SYT1: variants seen among roughly 807,000 people sequenced by gnomAD.
SYT1 encodes synaptotagmin 1.
A neutral mutation model predicts 44.8 loss-of-function variants in SYT1; 8 were observed. That is an observed-to-expected ratio of 0.18 (90% CI 0.10 to 0.32). The LOEUF is 0.32. Among genes scored for constraint, SYT1 ranks in the 10% least tolerant of loss-of-function variants. The pLI is 1.00. For missense variants in SYT1, 286 were observed against 509.3 expected (o/e 0.56, Z 4.22); for synonymous variants, 154 against 188.8 (o/e 0.82, Z 1.51).
chr12:79,333,855 G>A (rs543639891), intron 8 of SYT1, among the ~76,000 whole-genome samples: 4 of 152,148 alleles, frequency 2.6e-5, no homozygotes, highest in Admixed American at 2.0e-4. Context: ...AATTCCCAAT[G>A]TTGTTTATGT....
chr12:79,387,506 A>G, intron 9 of SYT1, among the ~76,000 whole-genome samples: 1 of 152,224 alleles, frequency 6.6e-6, no homozygotes, highest in East Asian at 1.9e-4. Flanking sequence ...TGTTTAAATC[A>G]ATTTTATTGT....
chr12:79,177,047 A>C (rs200186731), intron 3 of SYT1, among the ~76,000 whole-genome samples: 105 of 13,986 alleles, frequency 7.5e-3, no homozygotes, highest in African/African-American at 0.027. Flanking sequence ...TTTTTTTTTT[A>C]TGTTTTTTTT....
intron 1 of SYT1, among the ~76,000 whole-genome samples, chr12:78,932,773 T>C (rs1204623085): frequency 1.3e-5 from 2 of 152,196 alleles, no homozygotes; most frequent in Non-Finnish European, 2.9e-5. Flanking sequence ...TCAAAGCTTA[T>C]ATAGTATTAT....
intron 1 of SYT1, among the ~76,000 whole-genome samples, chr12:78,905,184 T>C (rs1875898882): frequency 6.6e-6 from 1 of 152,206 alleles, no homozygotes; most frequent in African/African-American, 2.4e-5. Flanking sequence ...TTATCATCTT[T>C]CTTTAGTAAC....
chr12:79,246,561 C>T (rs894813440), intron 4 of SYT1, among the ~76,000 whole-genome samples: 2 of 152,168 alleles, frequency 1.3e-5, no homozygotes, highest in African/African-American at 4.8e-5. Flanking sequence ...GGGCCTGGTC[C>T]TTGCTTCTAA....
At chr12:78,934,213 G>A (rs1458054628) in intron 1 of SYT1, among the ~76,000 whole-genome samples, 1 of 151,338 alleles carries the variant, frequency 6.6e-6, no homozygotes, top group Non-Finnish European at 1.5e-5. Context: ...ATATGGTCTG[G>A]CTGTGTCCCC....
intron 3 of SYT1, among the ~76,000 whole-genome samples, chr12:79,130,377 T>C (rs1868731707): frequency 6.6e-6 from 1 of 152,234 alleles, no homozygotes; most frequent in Non-Finnish European, 1.5e-5. Flanking sequence ...TGCCATCCTA[T>C]GCATTATATT....
rs190588932 is a variant in SYT1 at position 79,008,587 on chromosome 12, G to A, written c.-84+30656G>A. Among the ~76,000 whole-genome samples the A allele has an allele frequency of 3.2e-4, 49 of 152,232 alleles. 1 individual carries two copies. The highest frequency in any genetic ancestry group is 6.8e-3 in the Middle Eastern group (2 of 294). On this transcript the variant is annotated intron_variant, in intron 2 of 10. Transcript: ENST00000261205. Reference sequence around the variant, plus strand: ...AGACTATAATAGTGGCTGTGAGAACGATATGAAGTAGTTAGATTTGGACCA... The same window carrying A: ...AGACTATAATAGTGGCTGTGAGAACAATATGAAGTAGTTAGATTTGGACCA...
At chr12:79,322,017 A>G (rs1881385423) in intron 8 of SYT1, among the ~76,000 whole-genome samples, 1 of 152,132 alleles carries the variant, frequency 6.6e-6, no homozygotes, top group Admixed American at 6.5e-5. Context: ...TGTTCCTCTC[A>G]GGGCCAAGAT....
intron 4 of SYT1, among the ~76,000 whole-genome samples, chr12:79,282,196 C>T (rs558453103): frequency 6.1e-4 from 93 of 152,298 alleles, no homozygotes; most frequent in South Asian, 1.9e-3. Context: ...TGCAAAGTCC[C>T]TCTTACCAGG....
chr12:78,915,400 A>G (rs1408523199), intron 1 of SYT1, among the ~76,000 whole-genome samples: 1 of 152,026 alleles, frequency 6.6e-6, no homozygotes, highest in Admixed American at 6.6e-5. Context: ...GCTGCAATGA[A>G]AAAGCTCTGG....
chr12:79,366,703 A>G (rs1006343003), intron 9 of SYT1, among the ~76,000 whole-genome samples: 5 of 152,204 alleles, frequency 3.3e-5, no homozygotes, highest in Non-Finnish European at 7.3e-5. Context: ...CTATAAAACT[A>G]GGGTATTAGA....
chr12:78,893,637 C>G (rs953009698), intron 1 of SYT1, among the ~76,000 whole-genome samples: 2 of 151,736 alleles, frequency 1.3e-5, no homozygotes, highest in African/African-American at 4.8e-5. Flanking sequence ...TCTGCTTACA[C>G]TAGGCCAGTA....
At chr12:79,271,461 G>A (rs1006738945) in intron 4 of SYT1, among the ~76,000 whole-genome samples, 4 of 152,054 alleles carry the variant, frequency 2.6e-5, no homozygotes, top group Non-Finnish European at 5.9e-5. Context: ...ACCGTATTAT[G>A]TTCTAAGAGC....
intron 8 of SYT1, among the ~76,000 whole-genome samples, chr12:79,351,408 A>G (rs111441497): frequency 6.6e-6 from 1 of 152,164 alleles, no homozygotes; most frequent in Non-Finnish European, 1.5e-5. Flanking sequence ...ATGGCCCATA[A>G]AGGGAGATGT....
intron 9 of SYT1, among the ~76,000 whole-genome samples, chr12:79,384,237 C>T (rs1011710701): frequency 6.6e-6 from 1 of 152,204 alleles, no homozygotes; most frequent in Non-Finnish European, 1.5e-5. Flanking sequence ...GGCCTAACAA[C>T]CTCTTAAACA....
chr12:78,947,414 C>T (rs1268119949), intron 1 of SYT1, among the ~76,000 whole-genome samples: 1 of 151,962 alleles, frequency 6.6e-6, no homozygotes, highest in African/African-American at 2.4e-5. Flanking sequence ...ACTGGGGGCT[C>T]CTCTAAAGCC....
intron 9 of SYT1, among the ~76,000 whole-genome samples, chr12:79,441,440 G>A (rs1431799852): frequency 6.6e-6 from 1 of 151,964 alleles, no homozygotes; most frequent in Non-Finnish European, 1.5e-5. Context: ...CTCACCTTTG[G>A]AGTAGCTGGG....
intron 1 of SYT1, chr12:78,926,743 T>A (rs1010550611): frequency 1.3e-5 from 2 of 152,068 alleles, no homozygotes; most frequent in African/African-American, 4.8e-5. Flanking sequence ...AGCATGACAA[T>A]CTTTCTAAGA....
Sources: allele counts gnomAD v4.1 joint callset (sites outside exome capture counted in the v4.1 genomes callset), GRCh38; gene constraint gnomAD v4.1.1; transcripts MANE v1.5; gene names NCBI Gene and HGNC (gene_info 2026-07-23, HGNC 2026-07-21).